Variants in CNTN5 observed in about 807,000 individuals in gnomAD.
CNTN5 encodes contactin 5, also known as contactin-5.
In CNTN5, 77 loss-of-function variants were observed where a neutral mutation model predicts 129.1. The observed-to-expected ratio is 0.60, with a 90% CI of 0.50 to 0.72. The LOEUF is 0.72. Among genes scored for constraint, CNTN5 ranks in the 30% least tolerant of loss-of-function variants. CNTN5 has a pLI of 0.00. For missense variants in CNTN5, 1,478 were observed against 1,328.8 expected, an observed-to-expected ratio of 1.11 and a Z score of -1.75; for synonymous variants, 509 against 465.6, an observed-to-expected ratio of 1.09 and a Z score of -1.20.
chr11:99,549,066 T>G (rs1027558246), intron 2 of CNTN5, among the ~76,000 whole-genome samples: 1 of 149,000 alleles, frequency 6.7e-6, no homozygotes, highest in African/African-American at 2.5e-5. Context: ...TTTATTCCTA[T>G]TTCCTCTTTC....
intron 21 of CNTN5, among the ~76,000 whole-genome samples, chr11:100,331,761 G>A (rs1399330800): frequency 6.6e-6 from 1 of 152,068 alleles, no homozygotes; most frequent in Non-Finnish European, 1.5e-5. Flanking sequence ...AATCAAGATG[G>A]AAATTTAAAA....
intron 1 of CNTN5, among the ~76,000 whole-genome samples, chr11:99,040,192 A>G (rs1750640797): frequency 2.0e-5 from 3 of 152,150 alleles, no homozygotes; most frequent in Non-Finnish European, 4.4e-5. Flanking sequence ...ATACAAATAC[A>G]TGCAAACTTT....
At chr11:99,375,505 AG>A (rs1940127007) in intron 2 of CNTN5, among the ~76,000 whole-genome samples, 1 of 152,142 alleles carries the variant, frequency 6.6e-6, no homozygotes, top group Non-Finnish European at 1.5e-5. Context: ...AGTTTATTAA[AG>A]AACAATAAAT....
chr11:100,259,314 C>A (rs1211343396), intron 17 of CNTN5, among the ~76,000 whole-genome samples: 1 of 152,126 alleles, frequency 6.6e-6, no homozygotes, highest in Non-Finnish European at 1.5e-5. Context: ...TAGAGATCTA[C>A]AAAGAGACTT....
At chr11:100,259,699 G>C (rs1360991575) in intron 17 of CNTN5, among the ~76,000 whole-genome samples, 1 of 151,788 alleles carries the variant, frequency 6.6e-6, no homozygotes, top group Non-Finnish European at 1.5e-5. Flanking sequence ...ATGACTACTG[G>C]GTAAATAATG....
intron 3 of CNTN5, among the ~76,000 whole-genome samples, chr11:99,601,511 AG>A (rs1950311426): frequency 6.6e-6 from 1 of 152,218 alleles, no homozygotes; most frequent in African/African-American, 2.4e-5. Flanking sequence ...CTTGAGAGTA[AG>A]AAAATAATCT....
At chr11:99,146,747 G>A (rs1005512948) in intron 1 of CNTN5, among the ~76,000 whole-genome samples, 9 of 151,604 alleles carry the variant, frequency 5.9e-5, no homozygotes, top group East Asian at 5.8e-4. Context: ...TTTAAGCTGG[G>A]GTCTCATTCT....
intron 3 of CNTN5, among the ~76,000 whole-genome samples, chr11:99,783,995 G>C (rs908380856): frequency 6.6e-6 from 1 of 151,916 alleles, no homozygotes; most frequent in Non-Finnish European, 1.5e-5. Context: ...GAAATACCTA[G>C]CTGTTTTTGT....
intron 9 of CNTN5, among the ~76,000 whole-genome samples, chr11:100,055,468 GT>G (rs1381025345): frequency 6.6e-6 from 1 of 151,336 alleles, no homozygotes; most frequent in African/African-American, 2.4e-5. Context: ...TTTAGTAATG[GT>G]TTATTGGTGA....
intron 21 of CNTN5, among the ~76,000 whole-genome samples, chr11:100,311,506 A>C (rs889938919): frequency 6.6e-6 from 1 of 151,998 alleles, no homozygotes; most frequent in Non-Finnish European, 1.5e-5. Flanking sequence ...GGTTATAAAT[A>C]GTTTGTATGC....
At chr11:99,514,206 C>T (rs1204332772) in intron 2 of CNTN5, among the ~76,000 whole-genome samples, 1 of 152,030 alleles carries the variant, frequency 6.6e-6, no homozygotes, top group Non-Finnish European at 1.5e-5. Flanking sequence ...AACTGAATTA[C>T]TGCAATCTCA....
intron 2 of CNTN5, among the ~76,000 whole-genome samples, chr11:99,454,399 C>T (rs544387374): frequency 6.6e-6 from 1 of 152,178 alleles, no homozygotes; most frequent in African/African-American, 2.4e-5. Flanking sequence ...CCAGTTTTCC[C>T]CATGCTGTTC....
At chr11:99,938,498 C>T (rs1041540301) in intron 7 of CNTN5, among the ~76,000 whole-genome samples, 3 of 151,984 alleles carry the variant, frequency 2.0e-5, no homozygotes, top group African/African-American at 4.8e-5. Context: ...AATCATGGCA[C>T]ATAATGGGAA....
intron 3 of CNTN5, among the ~76,000 whole-genome samples, chr11:99,638,822 C>T (rs368865535): frequency 6.6e-5 from 10 of 152,126 alleles, no homozygotes; most frequent in African/African-American, 9.7e-5. Flanking sequence ...GCTGCTTTCA[C>T]GGGCTGCGTT....
chr11:99,409,971 C>T (rs1458481319), intron 2 of CNTN5, among the ~76,000 whole-genome samples: 1 of 152,222 alleles, frequency 6.6e-6, no homozygotes, highest in Non-Finnish European at 1.5e-5. Context: ...CTTACCATCG[C>T]AAGTTGCTCT....
At chr11:99,942,022 G>A (rs1259160877) in intron 7 of CNTN5, among the ~76,000 whole-genome samples, 1 of 151,988 alleles carries the variant, frequency 6.6e-6, no homozygotes, top group East Asian at 1.9e-4. Flanking sequence ...CTACTTACTG[G>A]ATACTCTAGT....
rs1308003970 is a variant in CNTN5, at chr11:99,568,069, T to C, written c.55+11800T>C. ...GGAGATTAAAGAAAAAGTTAACTTA[T>C]TAGGTCAGCTAAATATTACTTTTTA... On this transcript the variant is annotated intron_variant, in intron 3 of 24. Coordinates refer to ENST00000524871, the MANE Select transcript of CNTN5 (RefSeq NM_014361.4). Among the ~76,000 whole-genome samples, 3 of 152,182 alleles carry C rather than the reference T, an allele frequency of 2.0e-5. 1 individual carries two copies. The highest frequency in any genetic ancestry group is 3.9e-4 in the East Asian group (2 of 5,188).
intron 2 of CNTN5, among the ~76,000 whole-genome samples, chr11:99,498,331 C>T (rs1027223912): frequency 6.6e-5 from 10 of 152,104 alleles, no homozygotes; most frequent in Non-Finnish European, 1.0e-4. Flanking sequence ...TTTTCGACCT[C>T]CCATCTCTGG....
At chr11:99,569,909 T>C (rs1452291665) in intron 3 of CNTN5, among the ~76,000 whole-genome samples, 1 of 152,046 alleles carries the variant, frequency 6.6e-6, no homozygotes, top group African/African-American at 2.4e-5. Flanking sequence ...GAAATCCTAC[T>C]GAATTAAAGC....
Sources: gnomAD v4.1 joint callset for allele counts (sites outside exome capture counted in the v4.1 genomes callset) on GRCh38, gnomAD v4.1.1 for gene constraint, MANE v1.5 for transcripts, NCBI Gene and HGNC (gene_info 2026-07-23, HGNC 2026-07-21) for gene names.